The following LRMDA variants were observed in gnomAD, a reference collection of about 807,000 sequenced individuals.
The protein encoded by LRMDA is leucine-rich melanocyte differentiation-associated protein.
A neutral mutation model predicts 29.8 loss-of-function variants in LRMDA; 18 were observed. The observed-to-expected ratio is 0.60, with a 90% CI of 0.42 to 0.90. The LOEUF is 0.90. LRMDA is among the 40% of genes least tolerant of loss of function. The pLI, the probability that LRMDA is intolerant of heterozygous loss-of-function variation, is 0.00. For synonymous variants in LRMDA, 125 were observed against 109.4 expected (o/e 1.14, Z -0.89); for missense variants, 273 against 273.9 (o/e 1.00, Z 0.02).
intron 6 of LRMDA, among the ~76,000 whole-genome samples, chr10:76,398,768 C>A (rs1056547644): frequency 2.6e-5 from 4 of 152,188 alleles, no homozygotes; most frequent in Non-Finnish European, 5.9e-5. Flanking sequence ...GGGAAGCCAG[C>A]TGAGTTTCCT....
chr10:75,770,670 G>A (rs1352968618), intron 2 of LRMDA, among the ~76,000 whole-genome samples: 1 of 152,174 alleles, frequency 6.6e-6, no homozygotes, highest in Non-Finnish European at 1.5e-5. Flanking sequence ...TGTGGAGGCC[G>A]AGGGTGGGGT....
At chr10:76,157,671 A>G (rs1850563276) in intron 5 of LRMDA, among the ~76,000 whole-genome samples, 2 of 152,038 alleles carry the variant, frequency 1.3e-5, no homozygotes, top group Admixed American at 1.3e-4. Context: ...CGAGATGGAC[A>G]GCCTGAGCCT....
intron 2 of LRMDA, among the ~76,000 whole-genome samples, chr10:75,486,375 G>C (rs570683895): frequency 1.3e-5 from 2 of 151,900 alleles, no homozygotes; most frequent in Admixed American, 1.3e-4. Flanking sequence ...TTTTTGATCC[G>C]CTTGACTTAA....
intron 2 of LRMDA, among the ~76,000 whole-genome samples, chr10:75,490,960 C>G (rs1844979827): frequency 6.6e-6 from 1 of 152,114 alleles, no homozygotes; most frequent in African/African-American, 2.4e-5. Flanking sequence ...ATAATTTTTT[C>G]CCCTAACACA....
At chr10:75,931,913 C>G (rs1257099086) in intron 2 of LRMDA, among the ~76,000 whole-genome samples, 2 of 152,178 alleles carry the variant, frequency 1.3e-5, no homozygotes, top group East Asian at 1.9e-4. Flanking sequence ...TGTCTTCTTC[C>G]CCTCACCATG....
intron 2 of LRMDA, among the ~76,000 whole-genome samples, chr10:75,989,591 T>C (rs1383365697): frequency 1.3e-5 from 2 of 152,226 alleles, no homozygotes; most frequent in Non-Finnish European, 2.9e-5. Flanking sequence ...AGATCCAAAC[T>C]GTATCAATGA....
rs181600338 is a variant in LRMDA, at chr10:76,083,788, C to T, written c.516+25005C>T. On this transcript the variant is annotated intron_variant, in intron 5 of 6. Coordinates refer to ENST00000611255, the MANE Select transcript of LRMDA (RefSeq NM_001305581.2). ...GGCGAAGGTTGCAGTGAGCTGAGAT[C>T]GCGCCATTGCACTCCAGCCTGGGCA... Among the ~76,000 whole-genome samples the T allele has an allele frequency of 2.0e-3, 300 of 148,736 alleles. 4 individuals carry two copies. The highest frequency in any genetic ancestry group is 7.2e-3 in the African/African-American group (291 of 40,382).
chr10:75,685,830 A>G (rs1029649496), intron 2 of LRMDA, among the ~76,000 whole-genome samples: 18 of 152,226 alleles, frequency 1.2e-4, no homozygotes, highest in Non-Finnish European at 4.4e-5. Context: ...AAAATAAACA[A>G]TAGTAATCAC....
chr10:76,209,858 G>A (rs1006290396), intron 5 of LRMDA, among the ~76,000 whole-genome samples: 1 of 152,134 alleles, frequency 6.6e-6, no homozygotes, highest in Non-Finnish European at 1.5e-5. Flanking sequence ...TGCTGGGGTG[G>A]GGAGTAGGAG....
intron 2 of LRMDA, among the ~76,000 whole-genome samples, chr10:75,881,102 A>G (rs1845286665): frequency 2.0e-5 from 3 of 152,210 alleles, no homozygotes; most frequent in Admixed American, 2.0e-4. Flanking sequence ...GAATATAAGC[A>G]GATTTCTCTT....
intron 5 of LRMDA, among the ~76,000 whole-genome samples, chr10:76,289,687 A>G (rs534192993): frequency 5.3e-5 from 8 of 152,334 alleles, no homozygotes; most frequent in South Asian, 4.1e-4. Context: ...AATTCCATAC[A>G]TGTAGCAAAA....
intron 2 of LRMDA, among the ~76,000 whole-genome samples, chr10:75,553,893 T>C (rs1840183554): frequency 6.6e-6 from 1 of 152,110 alleles, no homozygotes. Context: ...GAGGAGTGAG[T>C]GCAGACTCTC....
intron 2 of LRMDA, among the ~76,000 whole-genome samples, chr10:75,605,779 A>G (rs1375106091): frequency 1.3e-5 from 2 of 152,202 alleles, no homozygotes; most frequent in African/African-American, 4.8e-5. Context: ...TCTTTGTGTG[A>G]GCAGTTGAAG....
At chr10:75,936,112 CATT>C (rs1454095741) in intron 2 of LRMDA, among the ~76,000 whole-genome samples, 1 of 152,056 alleles carries the variant, frequency 6.6e-6, no homozygotes, top group Non-Finnish European at 1.5e-5. Flanking sequence ...TTATATTTAT[CATT>C]GTTGTAAAGC....
chr10:75,810,016 C>T (rs914884186), intron 2 of LRMDA, among the ~76,000 whole-genome samples: 1 of 152,020 alleles, frequency 6.6e-6, no homozygotes, highest in Non-Finnish European at 1.5e-5. Context: ...TGAAGCGGGC[C>T]CTGCCTGAGG....
chr10:75,718,442 C>T (rs1167322260), intron 2 of LRMDA, among the ~76,000 whole-genome samples: 2 of 152,108 alleles, frequency 1.3e-5, no homozygotes, highest in Non-Finnish European at 2.9e-5. Flanking sequence ...ATTCCAGGAC[C>T]GAATGAAGTC....
chr10:76,503,342 G>A (rs1249460670), intron 6 of LRMDA, among the ~76,000 whole-genome samples: 1 of 151,908 alleles, frequency 6.6e-6, no homozygotes, highest in Non-Finnish European at 1.5e-5. Flanking sequence ...ATTGTAGAAT[G>A]AGTAAGGGAG....
At chr10:76,104,588 G>A (rs1302657091) in intron 5 of LRMDA, among the ~76,000 whole-genome samples, 1 of 152,006 alleles carries the variant, frequency 6.6e-6, no homozygotes, top group Non-Finnish European at 1.5e-5. Context: ...TCTTGGCCAC[G>A]GCTATCTGCT....
At chr10:76,269,481 G>T (rs992862749) in intron 5 of LRMDA, among the ~76,000 whole-genome samples, 4 of 152,246 alleles carry the variant, frequency 2.6e-5, no homozygotes, top group African/African-American at 9.6e-5. Flanking sequence ...AGATGGGGTT[G>T]CCCAGTTGTT....
Sources: allele counts gnomAD v4.1 joint callset (sites outside exome capture counted in the v4.1 genomes callset), GRCh38; gene constraint gnomAD v4.1.1; transcripts MANE v1.5; gene names NCBI Gene and HGNC (gene_info 2026-07-23, HGNC 2026-07-21).